GABRP: variants seen among roughly 807,000 people sequenced by gnomAD.
The protein encoded by GABRP is gamma-aminobutyric acid type A receptor subunit pi, also known as gamma-aminobutyric acid receptor subunit pi.
A neutral mutation model predicts 47.8 loss-of-function variants in GABRP; 52 were observed. That is an observed-to-expected ratio of 1.09 (90% CI 0.87 to 1.37). GABRP has a LOEUF of 1.37. Ranked by LOEUF, GABRP falls within the 40% of genes most tolerant of loss-of-function variation. The probability of loss-of-function intolerance (pLI) is 0.00; values close to 1 mark genes in which losing one functional copy is unlikely to be tolerated. For missense variants in GABRP, 525 were observed against 542.8 expected (o/e 0.97, Z 0.33); for synonymous variants, 221 against 205.8 (o/e 1.07, Z -0.63).
chr5:170,795,015 A>G lies in GABRP; in HGVS notation c.241-193A>G, dbSNP rs146686178. Among the ~76,000 whole-genome samples, 79 of 146,390 alleles carry G rather than the reference A, an allele frequency of 5.4e-4. No individual in the cohort carries two copies. In the East Asian group the frequency reaches 0.014, roughly 26 times the overall value. Reference sequence around the variant, plus strand: ...ACCCAAGACTGGGGTAACTGGAGTGACTTATCAGTTACCCCAGTCTTGGGG... The same window carrying G: ...ACCCAAGACTGGGGTAACTGGAGTGGCTTATCAGTTACCCCAGTCTTGGGG... On this transcript the variant is annotated intron_variant, in intron 4 of 9. Transcript: ENST00000265294.
Position 170,797,520 on chromosome 5 carries a change from A to T in GABRP, c.513A>T (p.Thr171=). 1.9e-6 allele frequency: 3 copies of T among 1,612,484 alleles called. No individual in the cohort carries two copies. The highest frequency in any genetic ancestry group is 2.5e-6 in the Non-Finnish European group (3 of 1,178,446). The change falls in exon 6 of 10, where the codon ACA becomes ACT. Residue 171 remains threonine (T), a synonymous_variant. Transcript: ENST00000265294. The stretch of plus-strand genomic sequence containing the variant: ...ATCTGTCTAAATACCCCATGGACAC[A>T]CAGACATGCAAGTTGCAGCTGGAAA... ...NMDLSKYPMD[T]QTCKLQLESW...
rs141635070 is a variant in GABRP, at chr5:170,789,471, T to C, written c.172+224T>C. On this transcript the variant is annotated intron_variant, in intron 3 of 9. Coordinates refer to ENST00000265294, the MANE Select transcript of GABRP (RefSeq NM_014211.3). ...GATAAAGGAATGCTCCTTCTCACTGTGGAGGCTGCAAGAGCCTCCTAACAC... is the reference window on the plus strand; with the variant it reads ...GATAAAGGAATGCTCCTTCTCACTGCGGAGGCTGCAAGAGCCTCCTAACAC... Among the ~76,000 whole-genome samples, 5 of 152,310 alleles carry C rather than the reference T, an allele frequency of 3.3e-5. No homozygotes were observed. The East Asian group carries it at 9.7e-4, about 29-fold the overall frequency.
intron 6 of GABRP, among the ~76,000 whole-genome samples, chr5:170,800,927 C>A (rs1170520932): frequency 6.6e-6 from 1 of 152,162 alleles, no homozygotes; most frequent in African/African-American, 2.4e-5. Context: ...GCCTGGGCAA[C>A]AAGAACAAGA....
intron 6 of GABRP, among the ~76,000 whole-genome samples, chr5:170,801,463 T>C (rs1310953423): frequency 1.3e-5 from 2 of 152,230 alleles, no homozygotes; most frequent in Non-Finnish European, 2.9e-5. Flanking sequence ...AATGTTCAAC[T>C]GAATTGCAAC....
chr5:170,808,290 A>G (rs1765787882), intron 7 of GABRP, among the ~76,000 whole-genome samples: 1 of 152,222 alleles, frequency 6.6e-6, no homozygotes, highest in Non-Finnish European at 1.5e-5. Context: ...GAACTGAAAG[A>G]TTCAGTGTTT....
chr5:170,795,144 C>T (rs1243110939), intron 4 of GABRP, 64 bp from the exon 5 acceptor site: 2 of 1,170,914 alleles, frequency 1.7e-6, no homozygotes, highest in Non-Finnish European at 2.6e-6. Context: ...CACTTTCCTC[C>T]ATTTGGTGGG....
At chr5:170,795,119 G>A in intron 4 of GABRP, 89 bp from the exon 5 acceptor site, 1 of 875,148 alleles carries the variant, frequency 1.1e-6, no homozygotes, top group Non-Finnish European at 1.9e-6. Context: ...GGTGGGGAGG[G>A]GAGTAAACTT....
At position 170,813,720 on chromosome 5, in the gene GABRP, A is replaced by G. The variant is rs1404924365; in HGVS notation, c.*1462A>G. The G allele has an allele frequency of 2.0e-5, 3 of 152,200 alleles. No homozygotes were observed. The highest frequency in any genetic ancestry group is 7.2e-5 in the African/African-American group (3 of 41,452). 9.4% of individuals were successfully genotyped at this position (152,200 alleles called of 1,614,324 possible). ...GCTTTACCTTTCCTGTCAGAAATAA[A>G]CCAAGGCTCTAAAAGATGATTTCCC... On this transcript the variant is annotated 3_prime_UTR_variant, in exon 10 of 10. Transcript: ENST00000265294.
Position 170,783,872 on chromosome 5 carries a change from C to T in GABRP, c.-45C>T, listed in dbSNP as rs1216693700. Reference sequence around the variant, plus strand: ...GCCCTAACAGAGCCTCAACAACTACCTGGTAAGGAAACTGCTGGCCCCTCC... The same window carrying T: ...GCCCTAACAGAGCCTCAACAACTACTTGGTAAGGAAACTGCTGGCCCCTCC... On this transcript the variant is annotated splice_region_variant and 5_prime_UTR_variant, in exon 1 of 10. Coordinates refer to ENST00000265294, the MANE Select transcript of GABRP (RefSeq NM_014211.3). The T allele has an allele frequency of 6.6e-6, 1 of 152,298 alleles. No individual in the cohort carries two copies. Among genetic ancestry groups the T allele is most frequent in the East Asian group, 1.9e-4 (1 of 5,180 alleles). 9.4% of individuals were successfully genotyped at this position (152,298 alleles called of 1,614,324 possible).
intron 9 of GABRP, 36 bp downstream of exon 9, chr5:170,809,791 C>G (rs201918618): frequency 2.2e-4 from 344 of 1,553,238 alleles, no homozygotes; most frequent in Non-Finnish European, 2.9e-4. Flanking sequence ...TGATCCATCA[C>G]TGGTGCCGTG....
In GABRP at chr5:170,795,417, T is replaced by A. The variant is rs752012009; in HGVS notation, c.450T>A (p.Tyr150Ter). ...TCTTCTCCAATGGCACGGTCCTGTA[T>A]GCCCTCAGGTACGCGGACACCTGTG... ...IRLFSNGTVL[Y>*]ALRITTTVAC... is the part of the protein sequence containing the mutation. The change falls in exon 5 of 10, where the codon TAT becomes TAA. Residue 150 changes from tyrosine (Y) to a stop codon, truncating the protein, a stop_gained. Transcript: ENST00000265294. LOFTEE classifies it high-confidence loss of function. The A allele has an allele frequency of 6.2e-7, 1 of 1,613,888 alleles. No homozygotes were observed. The highest frequency in any genetic ancestry group is 1.7e-5 in the Admixed American group (1 of 60,012).
intron 3 of GABRP, among the ~76,000 whole-genome samples, chr5:170,793,214 A>G (rs1765325657): frequency 6.6e-6 from 1 of 152,318 alleles, no homozygotes; most frequent in Non-Finnish European, 1.5e-5. Context: ...TATGATCTCC[A>G]CTTGCAGGTA....
chr5:170,790,748 C>G (rs944483323), intron 3 of GABRP, among the ~76,000 whole-genome samples: 1 of 152,246 alleles, frequency 6.6e-6, no homozygotes. Context: ...AGTCTCCCAT[C>G]TCTGTGCCTC....
intron 6 of GABRP, among the ~76,000 whole-genome samples, chr5:170,803,847 G>C (rs1765657720): frequency 1.3e-5 from 2 of 152,092 alleles, no homozygotes; most frequent in Admixed American, 1.3e-4. Context: ...CGCAATCTAG[G>C]CTCACTGCAA....
chr5:170,785,086 C>T (rs1484921812), intron 1 of GABRP, among the ~76,000 whole-genome samples: 2 of 152,232 alleles, frequency 1.3e-5, no homozygotes, highest in Admixed American at 6.5e-5. Flanking sequence ...TCCATTGAGG[C>T]TGGCCGACAC....
intron 7 of GABRP, among the ~76,000 whole-genome samples, chr5:170,808,295 G>T (rs377264873): frequency 5.9e-5 from 9 of 152,302 alleles, no homozygotes; most frequent in African/African-American, 2.2e-4. Context: ...GAAAGATTCA[G>T]TGTTTGCCCC....
chr5:170,791,638 C>T (rs375089701), intron 3 of GABRP, among the ~76,000 whole-genome samples: 34 of 149,632 alleles, frequency 2.3e-4, no homozygotes, highest in African/African-American at 6.5e-4. Flanking sequence ...CTAGATTAGA[C>T]GGTGTAGAAT....
rs561785985 is a variant in GABRP at position 170,794,158 on chromosome 5, T to C, written c.173-73T>C. The C allele has an allele frequency of 5.7e-6, 5 of 870,794 alleles. No individual in the cohort carries two copies. In the African/African-American group the frequency reaches 6.9e-5, roughly 12 times the overall value. 53.9% of individuals were successfully genotyped at this position (870,794 alleles called of 1,614,324 possible). On this transcript the variant is annotated intron_variant, in intron 3 of 9. Coordinates refer to ENST00000265294, the MANE Select transcript of GABRP (RefSeq NM_014211.3). ...CAACTTTTGTAATTTTAATCTTTTT[T>C]AGAATGCACTAATATAGTATTAAGA...
intron 3 of GABRP, 51 bp downstream of exon 3, chr5:170,789,298 A>C (rs1561806707): frequency 8.2e-7 from 1 of 1,218,696 alleles, no homozygotes; most frequent in Non-Finnish European, 1.2e-6. Context: ...GAAAACAGAG[A>C]CAATAAGCAG....
Sources: allele counts gnomAD v4.1 joint callset (sites outside exome capture counted in the v4.1 genomes callset), GRCh38; gene constraint gnomAD v4.1.1; transcripts MANE v1.5; gene names NCBI Gene and HGNC (gene_info 2026-07-23, HGNC 2026-07-21).